Variants in SLC22A25 observed in about 807,000 individuals in gnomAD.
SLC22A25 encodes solute carrier family 22 member 25.
Under a neutral mutation model 45.9 loss-of-function variants are expected in SLC22A25, and 44 were observed. The ratio of observed to expected loss-of-function variants is 0.96; its 90% CI spans 0.75 to 1.23. SLC22A25 has a LOEUF of 1.23. Among genes scored for constraint, SLC22A25 ranks in the 50% most tolerant of loss-of-function variants. The pLI, the probability that SLC22A25 is intolerant of heterozygous loss-of-function variation, is 0.00. For missense variants in SLC22A25, 800 were observed against 666.4 expected (o/e 1.20, Z -2.21); for synonymous variants, 283 against 238.6 (o/e 1.19, Z -1.72).
intron 7 of SLC22A25, among the ~76,000 whole-genome samples, chr11:63,195,015 A>T (rs1260218317): frequency 6.6e-6 from 1 of 151,694 alleles, no homozygotes; most frequent in African/African-American, 2.4e-5. Context: ...AGGCCATTAC[A>T]TAATGGTAAA....
intron 5 of SLC22A25, chr11:63,219,850 C>G (rs2089809752): frequency 8.8e-7 from 1 of 1,139,184 alleles, no homozygotes; most frequent in African/African-American, 1.6e-5. Flanking sequence ...GGTTACTGGA[C>G]TGTTGGAAAT....
intron 9 of SLC22A25, among the ~76,000 whole-genome samples, chr11:63,177,373 TGTGTG>T (rs2088129776): frequency 9.2e-6 from 1 of 108,328 alleles, no homozygotes; most frequent in Non-Finnish European, 2.0e-5. Context: ...TGTGTGTGTG[TGTGTG>T]TGTGTGTCGA....
At chr11:63,232,361 T>C (rs2090085383) in intron 3 of SLC22A25, among the ~76,000 whole-genome samples, 1 of 152,176 alleles carries the variant, frequency 6.6e-6, no homozygotes, top group African/African-American at 2.4e-5. Context: ...CCCTTTTAAG[T>C]TGGATTCCTA....
intron 9 of SLC22A25, among the ~76,000 whole-genome samples, chr11:63,179,922 T>C (rs2088257595): frequency 6.6e-6 from 1 of 152,146 alleles, no homozygotes. Context: ...ACACAGTGTG[T>C]CCAAAGGCCA....
chr11:63,189,019 T>A (rs1382661776), intron 7 of SLC22A25, among the ~76,000 whole-genome samples: 1 of 152,206 alleles, frequency 6.6e-6, no homozygotes. Flanking sequence ...GAATGTATAT[T>A]CTGTTGATTT....
chr11:63,176,946 A>C (rs1255963053), intron 9 of SLC22A25, among the ~76,000 whole-genome samples: 2 of 152,004 alleles, frequency 1.3e-5, no homozygotes, highest in Non-Finnish European at 2.9e-5. Context: ...TCTAGTGTTG[A>C]CAGATTCACT....
chr11:63,236,931 A>G (rs2090174982), intron 3 of SLC22A25, among the ~76,000 whole-genome samples: 4 of 152,192 alleles, frequency 2.6e-5, no homozygotes, highest in Admixed American at 2.6e-4. Context: ...AGCATAGAAC[A>G]CTGTTCTCCA....
chr11:63,179,706 C>T (rs1400920290), intron 9 of SLC22A25, among the ~76,000 whole-genome samples: 1 of 152,106 alleles, frequency 6.6e-6, no homozygotes, highest in Non-Finnish European at 1.5e-5. Context: ...TTGGGCAGCT[C>T]CCTGGAAAAT....
Position 63,180,728 on chromosome 11 carries a change from C to T in SLC22A25, c.1002G>A (p.Lys334=), listed in dbSNP as rs904552943. 1.9e-6 allele frequency: 3 copies of T among 1,613,160 alleles called. No homozygotes were observed. The highest frequency in any genetic ancestry group is 1.7e-6 in the Non-Finnish European group (2 of 1,179,504). The change falls in exon 9 of 12, where the codon AAG becomes AAA. Residue 334 remains lysine (K), a synonymous_variant. Coordinates refer to ENST00000306494, the MANE Select transcript of SLC22A25 (RefSeq NM_199352.6). ...MKQELEAAQK[K]HSLCELLRIP... ...TGCGGAGCAATTCACAAAGAGAATG[C>T]TTTTTCTGTGCTGCCTCCAGTTCTT...
intron 7 of SLC22A25, among the ~76,000 whole-genome samples, chr11:63,184,212 G>A (rs2088435317): frequency 2.6e-5 from 4 of 152,042 alleles, no homozygotes. Context: ...GTATGCTTGA[G>A]GCCTCATAGA....
intron 9 of SLC22A25, among the ~76,000 whole-genome samples, chr11:63,176,348 C>T (rs1305492201): frequency 6.6e-6 from 1 of 151,838 alleles, no homozygotes; most frequent in African/African-American, 2.4e-5. Flanking sequence ...GCCATTCATG[C>T]ATATATCTTT....
At chr11:63,201,458 C>T (rs2089241347) in intron 7 of SLC22A25, among the ~76,000 whole-genome samples, 1 of 152,120 alleles carries the variant, frequency 6.6e-6, no homozygotes, top group African/African-American at 2.4e-5. Context: ...TAGACATATT[C>T]AGAAGACTAA....
chr11:63,217,851 TAAAAC>T, intron 5 of SLC22A25, 116 bp from the exon 6 acceptor site: 1 of 1,227,580 alleles, frequency 8.1e-7, no homozygotes, highest in Non-Finnish European at 1.1e-6. Flanking sequence ...ACTTTACACT[TAAAAC>T]GTTAAAGAAT....
In SLC22A25 at chr11:63,228,486, T is replaced by C. The variant is rs1198008842; in HGVS notation, c.481A>G (p.Asn161Asp). 6.2e-7 allele frequency: 1 copy of C among 1,613,690 alleles called. No homozygotes were observed. The highest frequency in any genetic ancestry group is 1.3e-5 in the African/African-American group (1 of 74,878). Reference protein sequence around the residue: ...LFMAGMMVGGNLYGHLSDRFG... With the variant: ...LFMAGMMVGGDLYGHLSDRFG... ...CTGTCTGACAAATGGCCATATAGGT[T>C]GCCTCCCACCATCATTCCAGCCATG... The change falls in exon 5 of 12, where the codon AAC becomes GAC. Residue 161 changes from asparagine to aspartate, a missense_variant. Physicochemically the swap from Asn to Asp is conservative, Grantham distance 23. Transcript: ENST00000306494.
chr11:63,165,088 G>A (rs1166991066), intron 10 of SLC22A25, among the ~76,000 whole-genome samples: 1 of 152,154 alleles, frequency 6.6e-6, no homozygotes, highest in Non-Finnish European at 1.5e-5. Flanking sequence ...TTTGCAAAAG[G>A]CAGTCATAAA....
At chr11:63,185,406 C>T (rs181933181) in intron 7 of SLC22A25, among the ~76,000 whole-genome samples, 24 of 151,124 alleles carry the variant, frequency 1.6e-4, no homozygotes, top group South Asian at 4.2e-4. Context: ...TCTGTCCTTG[C>T]GATAGTTTGC....
intron 8 of SLC22A25, among the ~76,000 whole-genome samples, 174 bp from the exon 9 acceptor site, chr11:63,180,949 G>C (rs962810873): frequency 6.6e-6 from 1 of 152,154 alleles, no homozygotes; most frequent in African/African-American, 2.4e-5. Flanking sequence ...AGTTAGAATA[G>C]AGAGTTAAAG....
In SLC22A25 at chr11:63,242,333, A is replaced by G. The variant is rs182262071; in HGVS notation, c.-996+1101T>C. On this transcript the variant is annotated intron_variant, in intron 1 of 11. Transcript: ENST00000306494. The stretch of plus-strand genomic sequence containing the variant: ...TCAGAACCAACAACTGTATAGAATA[A>G]CTCATTGGCAGGAGTAGGATAGCGT... 1.5e-3 allele frequency among the ~76,000 whole-genome samples: 223 copies of G among 152,210 alleles called. 3 individuals carry two copies. The highest frequency in any genetic ancestry group is 4.1e-3 in the African/African-American group (172 of 41,532).
chr11:63,241,817 G>T (rs1183902412), intron 1 of SLC22A25, among the ~76,000 whole-genome samples: 1 of 152,160 alleles, frequency 6.6e-6, no homozygotes, highest in East Asian at 1.9e-4. Context: ...CACAACATTG[G>T]TGGGCAACAG....
Sources: allele counts gnomAD v4.1 joint callset (sites outside exome capture counted in the v4.1 genomes callset), GRCh38; gene constraint gnomAD v4.1.1; transcripts MANE v1.5; gene names NCBI Gene and HGNC (gene_info 2026-07-23, HGNC 2026-07-21).